The following SLC25A31 variants were observed in gnomAD, a reference collection of about 807,000 sequenced individuals.
The protein encoded by SLC25A31 is solute carrier family 25 member 31.
In SLC25A31, 40 loss-of-function variants were observed where a neutral mutation model predicts 36.2. That is an observed-to-expected ratio of 1.10 (90% CI 0.86 to 1.44). The LOEUF is 1.44. SLC25A31 is among the 40% of genes most tolerant of loss of function. SLC25A31 has a pLI of 0.00. For missense variants in SLC25A31, 350 were observed against 397.1 expected (o/e 0.88, Z 1.01); for synonymous variants, 143 against 149.7 (o/e 0.96, Z 0.32).
At chr4:127,730,799 C>T (rs1419426166) in intron 1 of SLC25A31, 22 bp downstream of exon 1, 7 of 1,589,984 alleles carry the variant, frequency 4.4e-6, no homozygotes, top group African/African-American at 2.7e-5. Context: ...CAGGCCGCCC[C>T]GACAGCCTCT....
chr4:127,756,688 A>G (rs1204646182), intron 2 of SLC25A31, among the ~76,000 whole-genome samples: 1 of 152,244 alleles, frequency 6.6e-6, no homozygotes, highest in African/African-American at 2.4e-5. Context: ...CCATAAATAT[A>G]TACAATTATT....
At chr4:127,752,205 G>C (rs1030037909) in intron 2 of SLC25A31, among the ~76,000 whole-genome samples, 1 of 152,088 alleles carries the variant, frequency 6.6e-6, no homozygotes, top group Non-Finnish European at 1.5e-5. Flanking sequence ...TTAAGAAAAC[G>C]TGGCACATAT....
At chr4:127,766,473 CCTTT>C (rs1369227976) in intron 3 of SLC25A31, among the ~76,000 whole-genome samples, 2 of 151,788 alleles carry the variant, frequency 1.3e-5, no homozygotes, top group African/African-American at 4.8e-5. Flanking sequence ...GCCAATTTTT[CCTTT>C]CTAAGTGTTT....
chr4:127,733,351 A>G (rs1469418153), intron 1 of SLC25A31, among the ~76,000 whole-genome samples: 1 of 152,216 alleles, frequency 6.6e-6, no homozygotes, highest in African/African-American at 2.4e-5. Flanking sequence ...ATATTTACAC[A>G]TGAGCATCCC....
At chr4:127,752,751 A>G (rs1413202310) in intron 2 of SLC25A31, among the ~76,000 whole-genome samples, 1 of 152,236 alleles carries the variant, frequency 6.6e-6, no homozygotes, top group Non-Finnish European at 1.5e-5. Context: ...TCTACATCGG[A>G]GCACCTAAAT....
At chr4:127,755,123 C>T (rs751984139) in intron 2 of SLC25A31, among the ~76,000 whole-genome samples, 12 of 152,082 alleles carry the variant, frequency 7.9e-5, no homozygotes, top group Non-Finnish European at 1.2e-4. Context: ...TCTTATCTCA[C>T]ACCATATACA....
chr4:127,741,173 C>A (rs1229961545), intron 1 of SLC25A31, among the ~76,000 whole-genome samples: 1 of 152,174 alleles, frequency 6.6e-6, no homozygotes, highest in Non-Finnish European at 1.5e-5. Context: ...AAGATCATGT[C>A]ATCTGCAAAC....
chr4:127,750,969 A>G (rs867286524), intron 2 of SLC25A31, among the ~76,000 whole-genome samples: 10 of 152,326 alleles, frequency 6.6e-5, no homozygotes, highest in African/African-American at 2.2e-4. Context: ...GATTAAAAAG[A>G]CTCAACAGTC....
chr4:127,754,881 A>T (rs928284509), intron 2 of SLC25A31, among the ~76,000 whole-genome samples: 1 of 152,230 alleles, frequency 6.6e-6, no homozygotes, highest in Non-Finnish European at 1.5e-5. Flanking sequence ...GAGCTATCAT[A>T]CCACCTGGTT....
chr4:127,756,440 G>C (rs1732032309), intron 2 of SLC25A31, among the ~76,000 whole-genome samples: 1 of 152,142 alleles, frequency 6.6e-6, no homozygotes, highest in African/African-American at 2.4e-5. Context: ...GAGCGTGGGG[G>C]GATGAGGAAT....
At chr4:127,764,191 A>T in intron 2 of SLC25A31, 52 bp from the exon 3 acceptor site, 1 of 1,447,416 alleles carries the variant, frequency 6.9e-7, no homozygotes, top group Non-Finnish European at 9.6e-7. Context: ...CAGGTATTTT[A>T]AACAGTTAGA....
intron 5 of SLC25A31, among the ~76,000 whole-genome samples, chr4:127,770,462 T>C (rs1252661212): frequency 1.3e-5 from 2 of 151,790 alleles, no homozygotes; most frequent in African/African-American, 4.8e-5. Flanking sequence ...CCATCTCTAC[T>C]AAAAATACAA....
chr4:127,744,290 T>G (rs1248023174), intron 1 of SLC25A31, among the ~76,000 whole-genome samples: 1 of 152,218 alleles, frequency 6.6e-6, no homozygotes, highest in Non-Finnish European at 1.5e-5. Context: ...GGATTTATTC[T>G]ATCATACTCA....
chr4:127,770,656 G>C (rs948442686), intron 5 of SLC25A31, among the ~76,000 whole-genome samples: 1 of 151,750 alleles, frequency 6.6e-6, no homozygotes, highest in Admixed American at 6.6e-5. Flanking sequence ...ATATGCACTC[G>C]AGTGTTTAAG....
Position 127,773,445 on chromosome 4 carries a change from A to C in SLC25A31, c.819A>C (p.Gln273His). ...TAGACTGCTTTGTGAAGATATACCA[A>C]CATGAAGGAATCAGTTCCTTTTTTC... Reference protein sequence around the residue: ...GTLDCFVKIYQHEGISSFFRG... With the variant: ...GTLDCFVKIYHHEGISSFFRG... The change falls in exon 6 of 6, where the codon CAA (glutamine) becomes CAC (histidine). Residue 273 changes from glutamine to histidine, a missense_variant. Gln to His is a conservative substitution (Grantham distance 24). Coordinates refer to ENST00000281154, the MANE Select transcript of SLC25A31 (RefSeq NM_031291.4). 6.2e-7 allele frequency: 1 copy of C among 1,614,160 alleles called. No homozygotes were observed. The highest frequency in any genetic ancestry group is 1.1e-5 in the South Asian group (1 of 91,074).
In SLC25A31 at chr4:127,744,758, T is replaced by C; in HGVS notation, c.319T>C (p.Tyr107His). ...TCTAAACTTTGCTTTTAAGGACAAA[T>C]ACAAGCAGCTATTCATGTCTGGAGT... Reference protein sequence around the residue: ...QALNFAFKDKYKQLFMSGVNK... With the variant: ...QALNFAFKDKHKQLFMSGVNK... The change falls in exon 2 of 6, where the codon TAC (tyrosine) becomes CAC (histidine). Residue 107 changes from tyrosine (Y) to histidine (H), a missense_variant. Coordinates refer to ENST00000281154, the MANE Select transcript of SLC25A31 (RefSeq NM_031291.4). 6.3e-7 allele frequency: 1 copy of C among 1,594,720 alleles called. No homozygotes were observed. Among genetic ancestry groups the C allele is most frequent in the Non-Finnish European group, 8.6e-7 (1 of 1,166,810 alleles).
chr4:127,733,334 T>C (rs1333766850), intron 1 of SLC25A31, among the ~76,000 whole-genome samples: 2 of 152,184 alleles, frequency 1.3e-5, no homozygotes, highest in Non-Finnish European at 2.9e-5. Context: ...TTTAGAATAT[T>C]CTCATTATAT....
At chr4:127,753,284 G>T in intron 2 of SLC25A31, among the ~76,000 whole-genome samples, 1 of 151,270 alleles carries the variant, frequency 6.6e-6, no homozygotes, top group South Asian at 2.1e-4. Flanking sequence ...ACTAGAAAAA[G>T]AAGGATAAAC....
Position 127,764,296 on chromosome 4 carries a change from A to G in SLC25A31, c.414A>G (p.Thr138=), listed in dbSNP as rs1440537729. ...CTTCTGGTGGAGCTGCTGGGGCAAC[A>G]TCCTTATGTGTAGTATATCCTCTAG... ...NLASGGAAGA[T]SLCVVYPLDF... Residue 138 remains threonine, a synonymous_variant, in exon 3 of 6, where the codon ACA becomes ACG. Coordinates refer to ENST00000281154, the MANE Select transcript of SLC25A31 (RefSeq NM_031291.4). The G allele has an allele frequency of 1.9e-6, 3 of 1,613,978 alleles. No individual in the cohort carries two copies. The highest frequency in any genetic ancestry group is 2.5e-6 in the Non-Finnish European group (3 of 1,179,990).
Sources: allele counts gnomAD v4.1 joint callset (sites outside exome capture counted in the v4.1 genomes callset), GRCh38; gene constraint gnomAD v4.1.1; transcripts MANE v1.5; gene names NCBI Gene and HGNC (gene_info 2026-07-23, HGNC 2026-07-21).